Variants in PXDNL observed in about 807,000 individuals in gnomAD.
PXDNL encodes peroxidasin like, also known as probable oxidoreductase PXDNL.
PXDNL carries 145 observed loss-of-function variants against 150.8 expected under a neutral mutation model. That is an observed-to-expected ratio of 0.96 (90% CI 0.84 to 1.10). PXDNL has a LOEUF of 1.10. PXDNL is among the 50% of genes least tolerant of loss of function. The pLI is 0.00. For synonymous variants in PXDNL, 757 were observed against 725.7 expected (o/e 1.04, Z -0.69); for missense variants, 2,087 against 1,873.9 (o/e 1.11, Z -2.10).
chr8:51,435,635 G>A (rs182965388), intron 12 of PXDNL: 11 of 198,474 alleles, frequency 5.5e-5, no homozygotes, highest in East Asian at 1.7e-4. Flanking sequence ...GCATGGAGGC[G>A]TGGCAGTTCA....
chr8:51,740,544 T>C (rs1361815346), intron 1 of PXDNL, among the ~76,000 whole-genome samples: 1 of 152,252 alleles, frequency 6.6e-6, no homozygotes, highest in African/African-American at 2.4e-5. Flanking sequence ...TGAGATGGTA[T>C]CTCATTGCGG....
At chr8:51,545,145 AT>A (rs1812329190) in intron 4 of PXDNL, among the ~76,000 whole-genome samples, 1 of 152,218 alleles carries the variant, frequency 6.6e-6, no homozygotes, top group Non-Finnish European at 1.5e-5. Context: ...ATTACTCAAT[AT>A]TAGTAAGACT....
At chr8:51,424,131 G>A (rs1214486936) in intron 13 of PXDNL, among the ~76,000 whole-genome samples, 6 of 152,148 alleles carry the variant, frequency 3.9e-5, no homozygotes, top group African/African-American at 1.4e-4. Flanking sequence ...GGAAGGCTGA[G>A]GCAGGAGGAT....
At chr8:51,613,383 T>A (rs1443592458) in intron 2 of PXDNL, among the ~76,000 whole-genome samples, 1 of 148,108 alleles carries the variant, frequency 6.8e-6, no homozygotes, top group Non-Finnish European at 1.5e-5. Flanking sequence ...AATTTGAGCG[T>A]CACTTGATGT....
At chr8:51,421,623 C>T (rs1479141866) in intron 14 of PXDNL, among the ~76,000 whole-genome samples, 5 of 152,148 alleles carry the variant, frequency 3.3e-5, no homozygotes, top group Admixed American at 6.5e-5. Context: ...TGCTTGAACC[C>T]GAGAGTCGGA....
At chr8:51,536,400 G>GA (rs1275935562) in intron 4 of PXDNL, among the ~76,000 whole-genome samples, 1 of 152,032 alleles carries the variant, frequency 6.6e-6, no homozygotes, top group Non-Finnish European at 1.5e-5. Context: ...ACAAAGGGAA[G>GA]AAAAAGAACA....
At chr8:51,636,513 C>T (rs1175620775) in intron 2 of PXDNL, among the ~76,000 whole-genome samples, 1 of 152,026 alleles carries the variant, frequency 6.6e-6, no homozygotes, top group African/African-American at 2.4e-5. Flanking sequence ...GGTACAAAGT[C>T]AACATGCAAA....
intron 1 of PXDNL, among the ~76,000 whole-genome samples, chr8:51,668,176 CTTT>C (rs71550279): frequency 2.6e-5 from 2 of 77,384 alleles, no homozygotes; most frequent in Non-Finnish European, 2.2e-5. Flanking sequence ...CTCGCTCTCT[CTTT>C]TTTTTTTTTT....
chr8:51,806,897 C>G (rs2037681593), intron 1 of PXDNL, among the ~76,000 whole-genome samples: 3 of 152,164 alleles, frequency 2.0e-5, no homozygotes, highest in African/African-American at 7.2e-5. Context: ...CAGTAGTCTG[C>G]CTTTCATCTA....
intron 17 of PXDNL, among the ~76,000 whole-genome samples, chr8:51,375,450 C>T (rs1807272647): frequency 6.6e-6 from 1 of 152,104 alleles, no homozygotes; most frequent in African/African-American, 2.4e-5. Flanking sequence ...CTTAACTTGT[C>T]CCTTGTTTTA....
At chr8:51,589,342 G>C (rs973261568) in intron 3 of PXDNL, among the ~76,000 whole-genome samples, 1 of 152,202 alleles carries the variant, frequency 6.6e-6, no homozygotes, top group Non-Finnish European at 1.5e-5. Flanking sequence ...ACTGGGTAAT[G>C]GGTAAAGGCT....
At chr8:51,390,681 T>C (rs1807867537) in intron 17 of PXDNL, among the ~76,000 whole-genome samples, 1 of 152,124 alleles carries the variant, frequency 6.6e-6, no homozygotes, top group South Asian at 2.1e-4. Context: ...AGGATCGCTA[T>C]TTGTTTAATG....
intron 7 of PXDNL, 72 bp from the exon 8 acceptor site, chr8:51,472,376 G>T (rs1453227049): frequency 9.1e-6 from 10 of 1,094,666 alleles, no homozygotes; most frequent in Non-Finnish European, 1.4e-5. Context: ...CTGAGAAAGA[G>T]ATATAGGCAA....
intron 4 of PXDNL, among the ~76,000 whole-genome samples, chr8:51,503,627 T>C (rs1422208007): frequency 6.6e-6 from 1 of 152,184 alleles, no homozygotes; most frequent in African/African-American, 2.4e-5. Flanking sequence ...GGTAGATAAA[T>C]ATGAATGATT....
chr8:51,423,520 G>A, intron 14 of PXDNL, 55 bp downstream of exon 14: 3 of 1,496,372 alleles, frequency 2.0e-6, no homozygotes, highest in South Asian at 2.5e-5. Flanking sequence ...GATTGGGGTA[G>A]AAGCTGTTCA....
chr8:51,409,672 A>G, intron 16 of PXDNL, 111 bp from the exon 17 acceptor site: 1 of 783,500 alleles, frequency 1.3e-6, no homozygotes, highest in Non-Finnish European at 1.9e-6. Context: ...CCCTGAGTGA[A>G]AAGAGGCCTT....
chr8:51,805,680 T>C (rs1421390386), intron 1 of PXDNL, among the ~76,000 whole-genome samples: 1 of 152,156 alleles, frequency 6.6e-6, no homozygotes, highest in East Asian at 1.9e-4. Flanking sequence ...ATTAAATGTT[T>C]AGAATTTCAC....
chr8:51,338,664 A>AC (rs1270892019), intron 21 of PXDNL, among the ~76,000 whole-genome samples: 4 of 152,222 alleles, frequency 2.6e-5, no homozygotes, highest in Admixed American at 6.5e-5. Context: ...ACAGCTTGGC[A>AC]CCATGCCTTG....
intron 4 of PXDNL, among the ~76,000 whole-genome samples, chr8:51,538,775 A>T (rs113205549): frequency 0.033 from 5,038 of 152,214 alleles, 273 homozygotes; most frequent in African/African-American, 0.12. Context: ...TCAAATAAAT[A>T]AATAAATTAA....
Sources: gnomAD v4.1 joint callset for allele counts (sites outside exome capture counted in the v4.1 genomes callset) on GRCh38, gnomAD v4.1.1 for gene constraint, MANE v1.5 for transcripts, NCBI Gene and HGNC (gene_info 2026-07-23, HGNC 2026-07-21) for gene names.